Variants in EYS observed in about 807,000 individuals in gnomAD.
The protein encoded by EYS is EGF-like photoreceptor maintenance factor.
Under a neutral mutation model 282.1 loss-of-function variants are expected in EYS, and 250 were observed. The observed-to-expected ratio is 0.89, with a 90% CI of 0.80 to 0.98. The LOEUF is 0.98. EYS is among the 50% of genes least tolerant of loss of function. EYS has a pLI of 0.00. For missense variants in EYS, 4,016 were observed against 3,709.0 expected, an observed-to-expected ratio of 1.08 and a Z score of -2.15; for synonymous variants, 1,355 against 1,282.9, an observed-to-expected ratio of 1.06 and a Z score of -1.20.
At position 65,353,497 on chromosome 6, in the gene EYS, G is replaced by T; in HGVS notation, c.1420C>A (p.Pro474Thr). ...TFHGICQDKGPAQFEYVWQLG... is the reference protein window; with the variant it reads ...TFHGICQDKGTAQFEYVWQLG... ...TGCCACACATATTCAAATTGAGCAG[G>T]ACCTTTATCTTGGCAAATACCATGG... Residue 474 changes from proline (P) to threonine (T), a missense_variant, in exon 9 of 43, where the codon CCT becomes ACT. Pro to Thr is a conservative substitution (Grantham distance 38). Transcript: ENST00000503581. The T allele has an allele frequency of 6.2e-7, 1 of 1,613,150 alleles. No individual in the cohort carries two copies. The highest frequency in any genetic ancestry group is 8.5e-7 in the Non-Finnish European group (1 of 1,179,468).
At chr6:65,205,680 C>T (rs1766017427) in intron 12 of EYS, among the ~76,000 whole-genome samples, 1 of 151,808 alleles carries the variant, frequency 6.6e-6, no homozygotes, top group Non-Finnish European at 1.5e-5. Flanking sequence ...ATCAAAATCA[C>T]ATGAAGTATT....
At chr6:64,178,676 A>T in intron 31 of EYS, among the ~76,000 whole-genome samples, 1 of 152,032 alleles carries the variant, frequency 6.6e-6, no homozygotes, top group East Asian at 1.9e-4. Flanking sequence ...TTGACATGAC[A>T]AACAAAGGAT....
chr6:65,536,324 ATTT>A (rs71864647), intron 2 of EYS, among the ~76,000 whole-genome samples: 2 of 145,984 alleles, frequency 1.4e-5, no homozygotes, highest in African/African-American at 5.0e-5. Flanking sequence ...AGTAGCAGAG[ATTT>A]TTTTTTTTTT....
In EYS at chr6:64,589,524, C is replaced by T. The variant is rs185810902; in HGVS notation, c.5644+699G>A. ...TTTAACCTTTTTCCTTTTTTACATC[C>T]TTACCAATTTGATAGCAATTACAAG... On this transcript the variant is annotated intron_variant, in intron 26 of 42. Coordinates refer to ENST00000503581, the MANE Select transcript of EYS (RefSeq NM_001142800.2). 1.4e-3 allele frequency among the ~76,000 whole-genome samples: 220 copies of T among 151,968 alleles called. 2 individuals are homozygous for T. The highest frequency in any genetic ancestry group is 7.5e-4 in the Non-Finnish European group (51 of 67,924).
intron 36 of EYS, among the ~76,000 whole-genome samples, chr6:63,858,797 A>T (rs974104223): frequency 1.3e-5 from 2 of 152,218 alleles, no homozygotes; most frequent in East Asian, 3.9e-4. Context: ...AAGCTGGATC[A>T]TATCAGAGTG....
intron 26 of EYS, among the ~76,000 whole-genome samples, chr6:64,463,410 T>C (rs1775819411): frequency 6.6e-6 from 1 of 152,222 alleles, no homozygotes; most frequent in African/African-American, 2.4e-5. Context: ...TACATTATGA[T>C]ATATTGAACT....
chr6:64,375,403 T>C (rs1772530193), intron 29 of EYS, among the ~76,000 whole-genome samples: 1 of 152,206 alleles, frequency 6.6e-6, no homozygotes, highest in Admixed American at 6.5e-5. Context: ...AAACATGAGT[T>C]AAAGAGCTTA....
Position 64,950,922 on chromosome 6 carries a change from G to T in EYS, c.2260-5008C>A, listed in dbSNP as rs1193961467. 2.7e-5 allele frequency among the ~76,000 whole-genome samples: 4 copies of T among 149,532 alleles called. No individual in the cohort carries two copies. The East Asian group carries it at 7.9e-4, about 30-fold the overall frequency. On this transcript the variant is annotated intron_variant, in intron 14 of 42. Transcript: ENST00000503581. Reference sequence around the variant, plus strand: ...GCAAGCAAAGTTAAGACTACAGAGGGCTCTGCTTTTCAAACCAGGACATCT... The same window carrying T: ...GCAAGCAAAGTTAAGACTACAGAGGTCTCTGCTTTTCAAACCAGGACATCT...
At chr6:63,967,135 T>A (rs1434082426) in intron 35 of EYS, among the ~76,000 whole-genome samples, 2 of 152,308 alleles carry the variant, frequency 1.3e-5, no homozygotes, top group Middle Eastern at 3.4e-3. Flanking sequence ...TGACAGTTGG[T>A]CTGATAACCA....
At chr6:64,071,717 C>T (rs188840770) in intron 32 of EYS, among the ~76,000 whole-genome samples, 58 of 144,894 alleles carry the variant, frequency 4.0e-4, no homozygotes, top group Admixed American at 3.7e-3. Flanking sequence ...TTTTATATAC[C>T]CTTTTAAAAA....
intron 2 of EYS, among the ~76,000 whole-genome samples, chr6:65,533,761 G>T (rs180933871): frequency 6.6e-6 from 1 of 152,224 alleles, no homozygotes; most frequent in African/African-American, 2.4e-5. Flanking sequence ...CTGGCACCTT[G>T]ATCTTGAATT....
intron 2 of EYS, among the ~76,000 whole-genome samples, chr6:65,613,126 C>G (rs910720454): frequency 3.3e-5 from 5 of 151,756 alleles, no homozygotes; most frequent in Non-Finnish European, 5.9e-5. Context: ...CAGATATACA[C>G]GTCTGTCTTA....
rs1282845134 is a variant in EYS, at chr6:65,170,281, T to C, written c.2024-112554A>G. Among the ~76,000 whole-genome samples the C allele has an allele frequency of 2.0e-5, 3 of 151,284 alleles. No individual in the cohort carries two copies. The East Asian group carries it at 5.9e-4, about 30-fold the overall frequency. On this transcript the variant is annotated intron_variant, in intron 12 of 42. Coordinates refer to ENST00000503581, the MANE Select transcript of EYS (RefSeq NM_001142800.2). ...GAGAAAGAAAGAACCCATTGAATGA[T>C]AGAAAAGAACATCCCTGAAATGAAA...
intron 1 of EYS, among the ~76,000 whole-genome samples, chr6:65,642,543 A>G (rs1767312958): frequency 6.7e-6 from 1 of 149,666 alleles, no homozygotes; most frequent in Non-Finnish European, 1.5e-5. Context: ...ATTTTTTTTT[A>G]TTCACCTTTG....
At chr6:63,765,398 C>T (rs375108275) in intron 40 of EYS, among the ~76,000 whole-genome samples, 4 of 76,106 alleles carry the variant, frequency 5.3e-5, no homozygotes, top group African/African-American at 9.6e-5. Flanking sequence ...TAGGAAAGGC[C>T]GCCAGAGTGA....
chr6:64,658,013 T>C (rs1187600671), intron 22 of EYS, among the ~76,000 whole-genome samples: 1 of 152,218 alleles, frequency 6.6e-6, no homozygotes, highest in South Asian at 2.1e-4. Context: ...AGATTTGGTC[T>C]TTTCACATAG....
At chr6:65,249,951 G>A (rs895643690) in intron 12 of EYS, among the ~76,000 whole-genome samples, 2 of 152,018 alleles carry the variant, frequency 1.3e-5, no homozygotes, top group Non-Finnish European at 2.9e-5. Flanking sequence ...GAAGAGACCC[G>A]CTATACCAGA....
intron 22 of EYS, among the ~76,000 whole-genome samples, chr6:64,626,586 G>A (rs114707453): frequency 2.0e-5 from 3 of 152,058 alleles, no homozygotes; most frequent in Non-Finnish European, 1.5e-5. Flanking sequence ...AGGGGAGAAG[G>A]CCACGTGAAC....
intron 6 of EYS, 82 bp downstream of exon 6, chr6:65,405,092 T>G: frequency 1.1e-6 from 1 of 935,960 alleles, no homozygotes; most frequent in Admixed American, 2.1e-5. Context: ...ATAAGGATTC[T>G]AATTATTTAT....
Sources: gnomAD v4.1 joint callset for allele counts (sites outside exome capture counted in the v4.1 genomes callset) on GRCh38, gnomAD v4.1.1 for gene constraint, MANE v1.5 for transcripts, NCBI Gene and HGNC (gene_info 2026-07-23, HGNC 2026-07-21) for gene names.